Variants in PCDHGA10 observed in about 807,000 individuals in gnomAD.
PCDHGA10 encodes protocadherin gamma-A10.
A neutral mutation model predicts 59.5 loss-of-function variants in PCDHGA10; 42 were observed. The ratio of observed to expected loss-of-function variants is 0.71; its 90% CI spans 0.55 to 0.91. The LOEUF is 0.91. PCDHGA10 is among the 40% of genes least tolerant of loss of function. The pLI is 0.00. For missense variants in PCDHGA10, 1,111 were observed against 1,198.2 expected (o/e 0.93, Z 1.07); for synonymous variants, 511 against 517.2 (o/e 0.99, Z 0.16).
In PCDHGA10 at chr5:141,485,961, A is replaced by C. The variant is rs766687554; in HGVS notation, c.2437-8846A>C. ...GCACCAGCGGGCATGGTGCTCATCC[A>C]GCTCAATGCCTCAGACCCGGACCTG... On this transcript the variant is annotated intron_variant, in intron 1 of 3. Coordinates refer to ENST00000398610, the MANE Select transcript of PCDHGA10 (RefSeq NM_018913.3). The surrounding 1 kb of genome is among the most constrained non-coding windows in gnomAD (Gnocchi z 5.7). 6.2e-7 allele frequency: 1 copy of C among 1,614,204 alleles called. No homozygotes were observed. The highest frequency in any genetic ancestry group is 1.1e-5 in the South Asian group (1 of 91,090).
chr5:141,477,037 G>A lies in PCDHGA10; in HGVS notation c.2437-17770G>A. ...TTGTAACCGGGATGCTGACAATCAAGGGTCGGCTGGACTTCGAGGACACCA... is the reference window on the plus strand; with the variant it reads ...TTGTAACCGGGATGCTGACAATCAAAGGTCGGCTGGACTTCGAGGACACCA... On this transcript the variant is annotated intron_variant, in intron 1 of 3. Coordinates refer to ENST00000398610, the MANE Select transcript of PCDHGA10 (RefSeq NM_018913.3). This position sits in a 1 kb window ranked among gnomAD's most constrained non-coding sequence, Gnocchi z 4.9. 6.2e-7 allele frequency: 1 copy of A among 1,614,266 alleles called. No individual in the cohort carries two copies. The highest frequency in any genetic ancestry group is 8.5e-7 in the Non-Finnish European group (1 of 1,180,052).
chr5:141,448,329 A>T (rs1166759766), intron 1 of PCDHGA10, among the ~76,000 whole-genome samples: 1 of 152,146 alleles, frequency 6.6e-6, no homozygotes, highest in Non-Finnish European at 1.5e-5. Context: ...TTGAATCTTT[A>T]TAGCCATGTA....
intron 2 of PCDHGA10, among the ~76,000 whole-genome samples, chr5:141,503,596 C>T (rs1267014587): frequency 7.7e-6 from 1 of 129,694 alleles, no homozygotes; most frequent in African/African-American, 3.3e-5. Context: ...GAGACTCCAG[C>T]TCAAAAAAAA....
At chr5:141,462,542 T>C (rs910054469) in intron 1 of PCDHGA10, among the ~76,000 whole-genome samples, 1 of 152,222 alleles carries the variant, frequency 6.6e-6, no homozygotes, top group Non-Finnish European at 1.5e-5. Flanking sequence ...AGTGATCTTT[T>C]CTTCTTCAGT....
At position 141,448,827 on chromosome 5, in the gene PCDHGA10, C is replaced by T. The variant is rs540550537; in HGVS notation, c.2436+33216C>T. ...AGGCGTGATGGCGGGCGCCTGTAGT[C>T]CCAGCTACTCTGGAGGCTGAGGCAG... On this transcript the variant is annotated intron_variant, in intron 1 of 3. Transcript: ENST00000398610. Among the ~76,000 whole-genome samples the T allele has an allele frequency of 1.6e-4, 25 of 152,108 alleles. No homozygotes were observed. In the South Asian group the frequency reaches 4.2e-3, roughly 25 times the overall value.
intron 1 of PCDHGA10, among the ~76,000 whole-genome samples, chr5:141,452,761 G>A (rs1291983570): frequency 6.6e-6 from 1 of 152,036 alleles, no homozygotes; most frequent in East Asian, 1.9e-4. Flanking sequence ...AGGAAGGGAG[G>A]GAGGGAAAAC....
At chr5:141,421,985 C>A (rs762388624) in intron 1 of PCDHGA10, 1 of 1,608,432 alleles carries the variant, frequency 6.2e-7, no homozygotes, top group East Asian at 2.2e-5. Flanking sequence ...GTGAGTGTTC[C>A]AGAAAACATC....
Position 141,477,704 on chromosome 5 carries a change from C to T in PCDHGA10, c.2437-17103C>T, listed in dbSNP as rs772195653. 30 of 1,613,968 alleles carry T rather than the reference C, an allele frequency of 1.9e-5. No homozygotes were observed. Among genetic ancestry groups the T allele is most frequent in the Admixed American group, 6.7e-5 (4 of 60,026 alleles). On this transcript the variant is annotated intron_variant, in intron 1 of 3. Transcript: ENST00000398610. This position sits in a 1 kb window ranked among gnomAD's most constrained non-coding sequence, Gnocchi z 4.9. Reference sequence around the variant, plus strand: ...CTTAGTGCCCCTAGACTATGAGGATCGGCGGGAATTTGAATTAACAGCTCA... The same window carrying T: ...CTTAGTGCCCCTAGACTATGAGGATTGGCGGGAATTTGAATTAACAGCTCA...
intron 1 of PCDHGA10, among the ~76,000 whole-genome samples, chr5:141,429,706 T>G (rs191069331): frequency 7.6e-4 from 116 of 152,354 alleles, no homozygotes; most frequent in African/African-American, 2.5e-3. Flanking sequence ...ACAGTATAAA[T>G]ATTTACGCTC....
At position 141,490,376 on chromosome 5, in the gene PCDHGA10, CA is replaced by C; in HGVS notation, c.2437-4430del. 1 of 1,614,184 alleles carries C rather than the reference CA, an allele frequency of 6.2e-7. No individual in the cohort carries two copies. Among genetic ancestry groups the C allele is most frequent in the African/African-American group, 1.3e-5 (1 of 75,030 alleles). On this transcript the variant is annotated intron_variant, in intron 1 of 3. Coordinates refer to ENST00000398610, the MANE Select transcript of PCDHGA10 (RefSeq NM_018913.3). This position sits in a 1 kb window ranked among gnomAD's most constrained non-coding sequence, Gnocchi z 5.4. ...TTGTTTAATGTGCGAGACCGGGACTCAGGTAGAAATGGTGAAGTGAGCCTTG... is the reference window on the plus strand; with the variant it reads ...TTGTTTAATGTGCGAGACCGGGACTCGGTAGAAATGGTGAAGTGAGCCTTG...
intron 1 of PCDHGA10, among the ~76,000 whole-genome samples, chr5:141,464,630 T>C (rs981288560): frequency 1.3e-5 from 2 of 152,176 alleles, no homozygotes; most frequent in African/African-American, 4.8e-5. Context: ...AGCTTTTTAA[T>C]TGTTGCCAAC....
chr5:141,414,435 C>T lies in PCDHGA10; in HGVS notation c.1260C>T (p.Ser420=), dbSNP rs891322256. 4.3e-6 allele frequency: 7 copies of T among 1,613,678 alleles called. No homozygotes were observed. In the African/African-American group the frequency reaches 8.0e-5, roughly 18 times the overall value. The change falls in exon 1 of 4, where the codon TCC becomes TCT. Residue 420 remains serine (S), a synonymous_variant. Coordinates refer to ENST00000398610, the MANE Select transcript of PCDHGA10 (RefSeq NM_018913.3). ...GAGCCCTTGACAGGGAACAGGTATC[C>T]TCTTACAATATCACAGTGACAGCCA... ...IHRALDREQV[S]SYNITVTATD... is the part of the protein sequence containing the mutation.
chr5:141,457,944 C>A (rs761151349), intron 1 of PCDHGA10, among the ~76,000 whole-genome samples: 33 of 152,310 alleles, frequency 2.2e-4, no homozygotes, highest in Non-Finnish European at 4.6e-4. Context: ...ATTGGCTCTG[C>A]ATGTCAAGCT....
Position 141,423,752 on chromosome 5 carries a change from G to A in PCDHGA10, c.2436+8141G>A, listed in dbSNP as rs749899386. 4.7e-6 allele frequency: 3 copies of A among 644,956 alleles called. 1 individual carries two copies. The highest frequency in any genetic ancestry group is 1.1e-4 in the South Asian group (2 of 17,914). 40.0% of individuals were successfully genotyped at this position (644,956 alleles called of 1,614,324 possible). ...TTGAGCCTGTTATGAAAACTGTTTGGGGGGGGGGTGGGGCGGCATATATTT... is the reference window on the plus strand; with the variant it reads ...TTGAGCCTGTTATGAAAACTGTTTGAGGGGGGGGTGGGGCGGCATATATTT... On this transcript the variant is annotated intron_variant, in intron 1 of 3. Transcript: ENST00000398610.
In PCDHGA10 at chr5:141,511,352, C is replaced by A. The variant is rs2099883742; in HGVS notation, c.*179C>A. The A allele has an allele frequency of 3.6e-6, 5 of 1,381,248 alleles. No homozygotes were observed. The highest frequency in any genetic ancestry group is 2.7e-4 in the Middle Eastern group (1 of 3,772). 85.6% of individuals were successfully genotyped at this position (1,381,248 alleles called of 1,614,324 possible). ...CAGTCAGCACCTACCCCTTCCCCCCCAGGGGGTTGAATATGCAAAAGCAGT... is the reference window on the plus strand; with the variant it reads ...CAGTCAGCACCTACCCCTTCCCCCCAAGGGGGTTGAATATGCAAAAGCAGT... On this transcript the variant is annotated 3_prime_UTR_variant, in exon 4 of 4. Coordinates refer to ENST00000398610, the MANE Select transcript of PCDHGA10 (RefSeq NM_018913.3).
chr5:141,494,785 T>G, intron 1 of PCDHGA10, 22 bp from the exon 2 acceptor site: 1 of 1,614,016 alleles, frequency 6.2e-7, no homozygotes, highest in Non-Finnish European at 8.5e-7. Flanking sequence ...ACTCAGCCCC[T>G]TTCCCTCTGT....
At chr5:141,474,148 A>G (rs773360112) in intron 1 of PCDHGA10, among the ~76,000 whole-genome samples, 4 of 152,244 alleles carry the variant, frequency 2.6e-5, no homozygotes, top group Non-Finnish European at 5.9e-5. Context: ...CTTATTATCA[A>G]GAAAATGACA....
rs770760145 is a variant in PCDHGA10 at position 141,421,951 on chromosome 5, A to C, written c.2436+6340A>C. On this transcript the variant is annotated intron_variant, in intron 1 of 3. Transcript: ENST00000398610. Reference sequence around the variant, plus strand: ...CCTCGATGTAAATGATCACATCCCAATGTTTACACAGTCCGTATATCGCGT... The same window carrying C: ...CCTCGATGTAAATGATCACATCCCACTGTTTACACAGTCCGTATATCGCGT... 1.9e-6 allele frequency: 3 copies of C among 1,612,854 alleles called. No homozygotes were observed. The highest frequency in any genetic ancestry group is 2.5e-6 in the Non-Finnish European group (3 of 1,179,434).
chr5:141,415,408 G>T lies in PCDHGA10; in HGVS notation c.2233G>T (p.Val745Leu). ...GACAGGTGTGTCCGGCTCGCACTTT[G>T]TGGGCGTGGACGGGGTTCGGGCTTT... The part of the protein sequence containing the change: ...GLTGVSGSHF[V>L]GVDGVRAFLQ... The change falls in exon 1 of 4, where the codon GTG becomes TTG. Residue 745 changes from valine to leucine, a missense_variant. Physicochemically the swap from Val to Leu is conservative, Grantham distance 32. Coordinates refer to ENST00000398610, the MANE Select transcript of PCDHGA10 (RefSeq NM_018913.3). 1 of 1,614,224 alleles carries T rather than the reference G, an allele frequency of 6.2e-7. No homozygotes were observed. The highest frequency in any genetic ancestry group is 8.5e-7 in the Non-Finnish European group (1 of 1,180,044).
Sources: allele counts gnomAD v4.1 joint callset (sites outside exome capture counted in the v4.1 genomes callset), GRCh38; gene constraint gnomAD v4.1.1; non-coding constraint Gnocchi (gnomAD v3.1); transcripts MANE v1.5; gene names NCBI Gene and HGNC (gene_info 2026-07-23, HGNC 2026-07-21).